The following EIPR1 variants were observed in gnomAD, a reference collection of about 807,000 sequenced individuals.
The protein encoded by EIPR1 is EARP and GARP complex-interacting protein 1.
EIPR1 carries 25 observed loss-of-function variants against 48.1 expected under a neutral mutation model. The observed-to-expected ratio is 0.52, with a 90% CI of 0.38 to 0.73. The LOEUF (loss-of-function observed/expected upper bound fraction) is 0.73, where lower values mean the gene tolerates loss of function less well. EIPR1 is among the 30% of genes least tolerant of loss of function. The pLI, the probability that EIPR1 is intolerant of heterozygous loss-of-function variation, is 0.00. For synonymous variants in EIPR1, 204 were observed against 201.9 expected (o/e 1.01, Z -0.09); for missense variants, 415 against 506.2 (o/e 0.82, Z 1.73).
chr2:3,190,513 C>T (rs763522525), intron 8 of EIPR1, among the ~76,000 whole-genome samples: 1 of 152,164 alleles, frequency 6.6e-6, no homozygotes, highest in African/African-American at 2.4e-5. Flanking sequence ...TGCAGCAGGA[C>T]ATCAGGACTG....
At chr2:3,308,879 T>C (rs577970557) in intron 3 of EIPR1, among the ~76,000 whole-genome samples, 10 of 152,352 alleles carry the variant, frequency 6.6e-5, no homozygotes, top group African/African-American at 2.4e-4. Flanking sequence ...CCTTGAAGTT[T>C]ATATTCACTG....
intron 3 of EIPR1, among the ~76,000 whole-genome samples, chr2:3,335,639 T>G (rs572443834): frequency 5.1e-4 from 78 of 152,326 alleles, no homozygotes; most frequent in African/African-American, 1.8e-3. Flanking sequence ...CATCTCGAAT[T>G]GTAATCCCCA....
intron 3 of EIPR1, among the ~76,000 whole-genome samples, chr2:3,317,020 G>A (rs1669324852): frequency 6.6e-6 from 1 of 152,280 alleles, no homozygotes; most frequent in South Asian, 2.1e-4. Context: ...CACTGACCAA[G>A]CTGAGGGCCT....
At chr2:3,220,687 C>T (rs146178338) in intron 4 of EIPR1, among the ~76,000 whole-genome samples, 73 of 152,140 alleles carry the variant, frequency 4.8e-4, no homozygotes, top group African/African-American at 1.6e-3. Context: ...GACTCAGGAA[C>T]ACAAGCACAC....
At chr2:3,240,363 T>TTCCTAAAGCAAAGCCAGCAGATCCC (rs1666566588) in intron 4 of EIPR1, among the ~76,000 whole-genome samples, 1 of 91,290 alleles carries the variant, frequency 1.1e-5, no homozygotes, top group Non-Finnish European at 2.3e-5. Flanking sequence ...CAGCAGACCC[T>TTCCTAAAGCAAAGCCAGCAGATCCC]TCCTAAAGCA....
chr2:3,341,473 G>T (rs554446346), intron 2 of EIPR1, among the ~76,000 whole-genome samples: 2 of 152,212 alleles, frequency 1.3e-5, no homozygotes, highest in South Asian at 4.2e-4. Context: ...GCGTGGGAGT[G>T]CGTGTGTGGG....
chr2:3,369,402 G>A (rs536223962), intron 1 of EIPR1, among the ~76,000 whole-genome samples: 6,749 of 152,210 alleles, frequency 0.044, 621 homozygotes, highest in East Asian at 0.4. Context: ...TGGGTGCAGC[G>A]AACCGTGCGC....
chr2:3,276,199 G>A (rs1327410194), intron 3 of EIPR1, among the ~76,000 whole-genome samples: 2 of 152,090 alleles, frequency 1.3e-5, no homozygotes, highest in Non-Finnish European at 2.9e-5. Context: ...AATCTAAAGT[G>A]GACTGTTTAC....
At chr2:3,348,257 A>T (rs927584600) in intron 2 of EIPR1, among the ~76,000 whole-genome samples, 1 of 152,192 alleles carries the variant, frequency 6.6e-6, no homozygotes, top group Non-Finnish European at 1.5e-5. Flanking sequence ...TTCACTGACG[A>T]GGACCCTGGT....
At chr2:3,341,027 G>T (rs1054972364) in intron 2 of EIPR1, among the ~76,000 whole-genome samples, 5 of 149,676 alleles carry the variant, frequency 3.3e-5, no homozygotes, top group African/African-American at 9.9e-5. Context: ...AAGCCTGGAG[G>T]GGGAGGTGCA....
At chr2:3,314,595 C>T (rs1669227392) in intron 3 of EIPR1, among the ~76,000 whole-genome samples, 1 of 152,016 alleles carries the variant, frequency 6.6e-6, no homozygotes, top group African/African-American at 2.4e-5. Flanking sequence ...AGGAGCTGGG[C>T]TCAGGGCCCT....
intron 4 of EIPR1, among the ~76,000 whole-genome samples, chr2:3,244,297 CCT>C (rs1329744112): frequency 2.6e-5 from 4 of 152,144 alleles, no homozygotes; most frequent in African/African-American, 4.8e-5. Context: ...TCCCCTGACC[CCT>C]GTTTATTAAA....
At chr2:3,363,842 A>G (rs1670909635) in intron 1 of EIPR1, among the ~76,000 whole-genome samples, 1 of 152,044 alleles carries the variant, frequency 6.6e-6, no homozygotes, top group South Asian at 2.1e-4. Context: ...CAATTAAAAA[A>G]TGGGCAAAAG....
At chr2:3,302,705 T>C (rs1668797744) in intron 3 of EIPR1, among the ~76,000 whole-genome samples, 1 of 152,252 alleles carries the variant, frequency 6.6e-6, no homozygotes, top group Non-Finnish European at 1.5e-5. Flanking sequence ...CCCTGCATCC[T>C]GGAACCCCCG....
intron 4 of EIPR1, among the ~76,000 whole-genome samples, chr2:3,250,186 C>T (rs1666960624): frequency 6.6e-6 from 1 of 152,194 alleles, no homozygotes; most frequent in African/African-American, 2.4e-5. Context: ...CTGGAAAAAC[C>T]AAAAGCACTT....
At chr2:3,246,325 A>G (rs1666792997) in intron 4 of EIPR1, among the ~76,000 whole-genome samples, 1 of 152,192 alleles carries the variant, frequency 6.6e-6, no homozygotes, top group Non-Finnish European at 1.5e-5. Flanking sequence ...CTAAACTAAA[A>G]TGAGGAAAAA....
chr2:3,342,271 A>G (rs994719624), intron 2 of EIPR1, among the ~76,000 whole-genome samples: 34 of 152,244 alleles, frequency 2.2e-4, no homozygotes, highest in Non-Finnish European at 8.8e-5. Context: ...GCATGTGATT[A>G]TATAATACCA....
At chr2:3,306,796 A>G (rs1361762595) in intron 3 of EIPR1, among the ~76,000 whole-genome samples, 1 of 152,148 alleles carries the variant, frequency 6.6e-6, no homozygotes, top group South Asian at 2.1e-4. Context: ...GGGGCAGCAG[A>G]GGCAGAAGAA....
intron 4 of EIPR1, among the ~76,000 whole-genome samples, chr2:3,246,985 GGAGGGAGAGAGCGAGGGAGGAGAGAGC>G (rs1666837002): frequency 5.7e-5 from 2 of 35,256 alleles, no homozygotes; most frequent in East Asian, 2.3e-3. Flanking sequence ...AGGGAGGGAG[GGAGGGAGAGAGCGAGGGAGGAGAGAGC>G]GAGGGAGGGA....
Sources: gnomAD v4.1 joint callset for allele counts (sites outside exome capture counted in the v4.1 genomes callset) on GRCh38, gnomAD v4.1.1 for gene constraint, MANE v1.5 for transcripts, NCBI Gene and HGNC (gene_info 2026-07-23, HGNC 2026-07-21) for gene names.